CCDC169: variants seen among roughly 807,000 people sequenced by gnomAD.
CCDC169 encodes coiled-coil domain containing 169, also known as coiled-coil domain-containing protein 169.
In CCDC169, 30 loss-of-function variants were observed where a neutral mutation model predicts 36.0. The observed-to-expected ratio is 0.83, with a 90% CI of 0.62 to 1.13. The LOEUF is 1.13. Among genes scored for constraint, CCDC169 ranks in the 50% most tolerant of loss-of-function variants. The probability of loss-of-function intolerance (pLI) is 0.00; values close to 1 mark genes in which losing one functional copy is unlikely to be tolerated. For missense variants in CCDC169, 245 were observed against 245.9 expected, an observed-to-expected ratio of 1.00 and a Z score of 0.03; for synonymous variants, 85 against 81.5, an observed-to-expected ratio of 1.04 and a Z score of -0.23.
At chr13:36,294,314 A>C (rs959058667) in intron 2 of CCDC169, among the ~76,000 whole-genome samples, 1 of 152,160 alleles carries the variant, frequency 6.6e-6, no homozygotes, top group Non-Finnish European at 1.5e-5. Flanking sequence ...TTTTTCCTGT[A>C]ACTGGGTACA....
chr13:36,292,926 G>A (rs558027572), intron 2 of CCDC169, among the ~76,000 whole-genome samples: 78 of 152,272 alleles, frequency 5.1e-4, no homozygotes, highest in African/African-American at 1.8e-3. Context: ...CAAGAATAAG[G>A]ACAGATCATT....
chr13:36,294,731 G>A (rs982271705), intron 2 of CCDC169, among the ~76,000 whole-genome samples: 6 of 152,088 alleles, frequency 3.9e-5, no homozygotes, highest in African/African-American at 1.2e-4. Context: ...AACTCTAAGG[G>A]GGTCTGCATG....
At chr13:36,262,876 C>T (rs1316973420) in intron 4 of CCDC169, among the ~76,000 whole-genome samples, 2 of 152,130 alleles carry the variant, frequency 1.3e-5, no homozygotes, top group Non-Finnish European at 2.9e-5. Context: ...CACCTCTAGA[C>T]TAATGAGCTC....
At chr13:36,283,254 T>C (rs1295691956) in intron 4 of CCDC169, 9 of 583,000 alleles carry the variant, frequency 1.5e-5, no homozygotes, top group Non-Finnish European at 1.8e-5. Flanking sequence ...CTATACATGC[T>C]CTGCTCTTCA....
chr13:36,283,245 T>C lies in CCDC169; in HGVS notation c.315+224A>G, dbSNP rs1038531128. ...TGGCGGTGATTCAAAAAGCAATATC[T>C]ATACATGCTCTGCTCTTCAGGACAC... On this transcript the variant is annotated intron_variant, in intron 4 of 7. Transcript: ENST00000239859. 3 of 553,080 alleles carry C rather than the reference T, an allele frequency of 5.4e-6. No individual in the cohort carries two copies. In the African/African-American group the frequency reaches 5.7e-5, roughly 11 times the overall value. The allele number at this position is 553,080 out of a possible 1,614,324, so 34.3% of individuals were successfully genotyped here.
intron 7 of CCDC169, among the ~76,000 whole-genome samples, chr13:36,242,018 G>T (rs1871886441): frequency 6.6e-6 from 1 of 152,042 alleles, no homozygotes. Context: ...TGTGAAGAAG[G>T]CACTTGCTTC....
intron 4 of CCDC169, chr13:36,282,516 T>G (rs1877660601): frequency 2.0e-6 from 2 of 985,178 alleles, no homozygotes; most frequent in African/African-American, 3.5e-5. Flanking sequence ...CAAACACTCA[T>G]GAAAGCACCT....
rs116936055 is a variant in CCDC169, at chr13:36,247,139, C to G, written c.545+1467G>C. Among the ~76,000 whole-genome samples the G allele has an allele frequency of 3.9e-4, 59 of 152,288 alleles. No homozygotes were observed. In the East Asian group the frequency reaches 0.011, roughly 29 times the overall value. On this transcript the variant is annotated intron_variant, in intron 7 of 7. Transcript: ENST00000239859. Reference sequence around the variant, plus strand: ...CAGCACAAGAGTTTAGAGTTTACAGCATGGTTTATTGAATATTTTAAGCCC... The same window carrying G: ...CAGCACAAGAGTTTAGAGTTTACAGGATGGTTTATTGAATATTTTAAGCCC...
intron 4 of CCDC169, among the ~76,000 whole-genome samples, chr13:36,264,119 G>C (rs1426083587): frequency 1.3e-5 from 2 of 152,022 alleles, no homozygotes; most frequent in African/African-American, 4.8e-5. Context: ...AAATTATTTT[G>C]GCATTAAAGA....
intron 4 of CCDC169, among the ~76,000 whole-genome samples, chr13:36,256,297 G>A (rs1873879449): frequency 6.6e-6 from 1 of 152,174 alleles, no homozygotes; most frequent in African/African-American, 2.4e-5. Context: ...CCCGACACTA[G>A]GTAATTTATA....
chr13:36,283,776 G>T, intron 2 of CCDC169, 74 bp from the exon 3 acceptor site: 1 of 1,134,600 alleles, frequency 8.8e-7, no homozygotes, highest in Non-Finnish European at 1.3e-6. Context: ...AACATTATGA[G>T]CTTGATCTTA....
At chr13:36,229,932 G>T (rs1193780790), downstream of CCDC169, among the ~76,000 whole-genome samples, 1 of 152,050 alleles carries the variant, frequency 6.6e-6, no homozygotes, top group East Asian at 1.9e-4. Flanking sequence ...AATGATATGG[G>T]TCAAGGCACC....
Position 36,283,608 on chromosome 13 carries a change from G to A in CCDC169, c.258C>T (p.Ile86=). The change falls in exon 3 of 8, where the codon ATC becomes ATT. Residue 86 remains isoleucine, a synonymous_variant. Coordinates refer to ENST00000239859, the MANE Select transcript of CCDC169 (RefSeq NM_001144981.3). ...GTTTTGTACCTGAAGAGTTTCCATGGATTTTTTCCACTTTCTCCTTGAGAT... is the reference window on the plus strand; with the variant it reads ...GTTTTGTACCTGAAGAGTTTCCATGAATTTTTTCCACTTTCTCCTTGAGAT... ...IVYLKEKVEK[I]HGNSSDRLSS... is the part of the protein sequence containing the mutation. 1 of 1,551,180 alleles carries A rather than the reference G, an allele frequency of 6.4e-7. No individual in the cohort carries two copies. Among genetic ancestry groups the A allele is most frequent in the Non-Finnish European group, 8.7e-7 (1 of 1,146,792 alleles).
chr13:36,294,145 T>C (rs1018119579), intron 2 of CCDC169, among the ~76,000 whole-genome samples: 2 of 152,200 alleles, frequency 1.3e-5, no homozygotes, highest in African/African-American at 4.8e-5. Flanking sequence ...AGGCCTTACT[T>C]TTGGCCCACT....
Position 36,282,352 on chromosome 13 carries a change from G to GT in CCDC169, c.315+1116dup, listed in dbSNP as rs1197460451. ...TCTTTATATCAAAGAATAAGACTTA[G>GT]TTTTGTCCTTAGCTAAGAGGGTCTC... On this transcript the variant is annotated intron_variant, in intron 4 of 7. Transcript: ENST00000239859. 7 of 982,214 alleles carry GT rather than the reference G, an allele frequency of 7.1e-6. No homozygotes were observed. The African/African-American group carries it at 1.2e-4, about 17-fold the overall frequency. The allele number at this position is 982,214 out of a possible 1,614,324, so 60.8% of individuals were successfully genotyped here. A position where few individuals can be genotyped will look rare whatever the true frequency, so the allele number is the denominator to read the frequency against.
intron 4 of CCDC169, among the ~76,000 whole-genome samples, chr13:36,266,430 C>A (rs1399084945): frequency 6.6e-6 from 1 of 152,128 alleles, no homozygotes; most frequent in Non-Finnish European, 1.5e-5. Context: ...TCCTTAGGGG[C>A]ACCTATCCAG....
intron 7 of CCDC169, among the ~76,000 whole-genome samples, chr13:36,241,190 T>C (rs1159583786): frequency 5.3e-5 from 8 of 152,172 alleles, no homozygotes; most frequent in African/African-American, 1.7e-4. Context: ...GAAAAATGGG[T>C]AAGTCAATAT....
At chr13:36,268,648 C>A (rs1594055511) in intron 4 of CCDC169, among the ~76,000 whole-genome samples, 1 of 151,620 alleles carries the variant, frequency 6.6e-6, no homozygotes, top group Non-Finnish European at 1.5e-5. Flanking sequence ...GAAATTCAAA[C>A]AAAAAAACCC....
In CCDC169 at chr13:36,254,289, T is replaced by G. The variant is rs1375534157; in HGVS notation, c.316-146A>C. On this transcript the variant is annotated intron_variant, in intron 4 of 7. Coordinates refer to ENST00000239859, the MANE Select transcript of CCDC169 (RefSeq NM_001144981.3). ...TATGATATGTACTTTTTTTTTTTTT[T>G]TTTTTAGACAGAGTCTCACTCTGTC... 5 of 570,244 alleles carry G rather than the reference T, an allele frequency of 8.8e-6. No homozygotes were observed. The East Asian group carries it at 1.8e-4, about 20-fold the overall frequency. The allele number at this position is 570,244 out of a possible 1,614,324, so 35.3% of individuals were successfully genotyped here.
Sources: gnomAD v4.1 joint callset for allele counts (sites outside exome capture counted in the v4.1 genomes callset) on GRCh38, gnomAD v4.1.1 for gene constraint, MANE v1.5 for transcripts, NCBI Gene and HGNC (gene_info 2026-07-23, HGNC 2026-07-21) for gene names.